Variants in PHLDB2 observed in about 807,000 individuals in gnomAD.
PHLDB2 encodes pleckstrin homology-like domain family B member 2.
Under a neutral mutation model 123.6 loss-of-function variants are expected in PHLDB2, and 71 were observed. The ratio of observed to expected loss-of-function variants is 0.57; its 90% confidence interval spans 0.47 to 0.70. PHLDB2 has a LOEUF of 0.70. Among genes scored for constraint, PHLDB2 ranks in the 30% least tolerant of loss-of-function variants. PHLDB2 has a pLI of 0.00. For synonymous variants in PHLDB2, 547 were observed against 541.6 expected (o/e 1.01, Z -0.14); for missense variants, 1,446 against 1,519.5 (o/e 0.95, Z 0.80).
upstream of PHLDB2, among the ~76,000 whole-genome samples, chr3:111,858,149 T>G (rs2064606127): frequency 6.6e-6 from 1 of 152,196 alleles, no homozygotes; most frequent in Non-Finnish European, 1.5e-5. Flanking sequence ...TTCATGTCCT[T>G]TGCAGGGACG....
intron 1 of PHLDB2, among the ~76,000 whole-genome samples, chr3:111,818,165 GGTGTGT>G (rs5851789): frequency 1.2e-4 from 17 of 147,700 alleles, no homozygotes; most frequent in East Asian, 4.0e-4. Context: ...TTAAAAAACT[GGTGTGT>G]GTGTGTGTGT....
At chr3:111,742,973 A>G (rs928449060) in intron 1 of PHLDB2, among the ~76,000 whole-genome samples, 17 of 152,150 alleles carry the variant, frequency 1.1e-4, no homozygotes, top group Admixed American at 1.1e-3. Flanking sequence ...TGAACCAATA[A>G]AGGAGCCAAC....
At chr3:111,938,809 T>A (rs984481165) in intron 6 of PHLDB2, among the ~76,000 whole-genome samples, 5 of 151,276 alleles carry the variant, frequency 3.3e-5, no homozygotes, top group Non-Finnish European at 5.9e-5. Context: ...TTTCTTTTTT[T>A]ATTTTTATCT....
intron 1 of PHLDB2, among the ~76,000 whole-genome samples, chr3:111,760,726 G>A (rs2059977977): frequency 6.6e-6 from 1 of 151,948 alleles, no homozygotes; most frequent in South Asian, 2.1e-4. Flanking sequence ...GGACTGGTGA[G>A]GCTGAGAAGC....
At chr3:111,747,922 C>T (rs2059706092) in intron 1 of PHLDB2, among the ~76,000 whole-genome samples, 1 of 152,158 alleles carries the variant, frequency 6.6e-6, no homozygotes. Flanking sequence ...GTGGCAGCCC[C>T]TGGACCCTGA....
Position 111,913,420 on chromosome 3 carries a change from C to A in PHLDB2, c.1437C>A (p.Ile479=). 1 of 1,614,150 alleles carries A rather than the reference C, an allele frequency of 6.2e-7. No individual in the cohort carries two copies. The highest frequency in any genetic ancestry group is 1.1e-5 in the South Asian group (1 of 91,078). ...TGTTVEDVQK[I]NKELEKLQLS... ...CCACCGTGGAAGATGTGCAGAAAAT[C>A]AACAAGGAGCTTGAGAAGCTGCAGC... Residue 479 remains isoleucine (I), a synonymous_variant, in exon 3 of 18, where the codon ATC becomes ATA. Transcript: ENST00000431670.
At chr3:111,929,557 C>G (rs2107562424) in intron 5 of PHLDB2, among the ~76,000 whole-genome samples, 1 of 152,322 alleles carries the variant, frequency 6.6e-6, no homozygotes, top group South Asian at 2.1e-4. Context: ...TTTCCTTTAA[C>G]AACTTCCTGG....
intron 1 of PHLDB2, among the ~76,000 whole-genome samples, chr3:111,861,211 T>C (rs1164939118): frequency 6.6e-6 from 1 of 152,212 alleles, no homozygotes; most frequent in Non-Finnish European, 1.5e-5. Context: ...GCCGTTGCCT[T>C]CAATTGTGTA....
intron 1 of PHLDB2, among the ~76,000 whole-genome samples, chr3:111,797,852 T>C (rs1489131680): frequency 6.6e-6 from 1 of 152,102 alleles, no homozygotes; most frequent in African/African-American, 2.4e-5. Context: ...AGAAATAGGG[T>C]AGGGTGCAGT....
chr3:111,959,459 A>G (rs535622124), intron 12 of PHLDB2, among the ~76,000 whole-genome samples: 1 of 152,346 alleles, frequency 6.6e-6, no homozygotes, highest in Non-Finnish European at 1.5e-5. Flanking sequence ...GATGCTTATT[A>G]TTGGCCTCAT....
intron 1 of PHLDB2, among the ~76,000 whole-genome samples, chr3:111,743,444 T>C (rs1261434431): frequency 6.6e-6 from 1 of 152,188 alleles, no homozygotes; most frequent in Non-Finnish European, 1.5e-5. Flanking sequence ...AAGCTTGTTA[T>C]AAATCTGATT....
At chr3:111,860,017 G>T (rs2064738919) in intron 1 of PHLDB2, 1 of 507,496 alleles carries the variant, frequency 2.0e-6, no homozygotes, top group Non-Finnish European at 2.5e-6. Context: ...ATGACTCTCG[G>T]GGGGCTGGGT....
At chr3:111,931,705 T>C (rs2069159509) in intron 5 of PHLDB2, among the ~76,000 whole-genome samples, 1 of 152,254 alleles carries the variant, frequency 6.6e-6, no homozygotes, top group African/African-American at 2.4e-5. Flanking sequence ...TTTCTAACTC[T>C]GTAAGTTCTG....
chr3:111,754,000 T>A (rs1304751084), intron 1 of PHLDB2, among the ~76,000 whole-genome samples: 1 of 152,202 alleles, frequency 6.6e-6, no homozygotes, highest in Non-Finnish European at 1.5e-5. Flanking sequence ...TTTTGTGCCA[T>A]TGATCTATAT....
intron 2 of PHLDB2, among the ~76,000 whole-genome samples, chr3:111,891,547 A>G (rs538974784): frequency 3.4e-4 from 52 of 152,006 alleles, no homozygotes; most frequent in African/African-American, 1.2e-3. Context: ...CTACATTATG[A>G]TGAGTTATAT....
At chr3:111,901,141 C>A (rs577366930) in intron 2 of PHLDB2, among the ~76,000 whole-genome samples, 1 of 151,966 alleles carries the variant, frequency 6.6e-6, no homozygotes, top group Non-Finnish European at 1.5e-5. Context: ...GGGCGAATCA[C>A]GAGGTCAGGA....
chr3:111,845,996 A>G, intron 2 of PHLDB2: 3 of 1,515,782 alleles, frequency 2.0e-6, no homozygotes, highest in East Asian at 2.3e-5. Flanking sequence ...TCCATCATAC[A>G]TATTGGGAAT....
At chr3:111,798,682 A>AAAAATAAAATAAAATAAAATAAAAT (rs11276346) in intron 1 of PHLDB2, among the ~76,000 whole-genome samples, 4,167 of 144,572 alleles carry the variant, frequency 0.029, 71 homozygotes, top group African/African-American at 0.034. Flanking sequence ...TGTCTCTAAT[A>AAAAATAAAATAAAATAAAATAAAAT]AAAATAAAAT....
At chr3:111,758,202 T>C (rs6438007) in intron 1 of PHLDB2, among the ~76,000 whole-genome samples, 142,435 of 152,086 alleles carry the variant, frequency 0.94, 66,746 homozygotes, top group East Asian at 1. Flanking sequence ...GCCCTGCCCC[T>C]AGAGGTGGAG....
Sources: allele counts gnomAD v4.1 joint callset (sites outside exome capture counted in the v4.1 genomes callset), GRCh38; gene constraint gnomAD v4.1.1; transcripts MANE v1.5; gene names NCBI Gene and HGNC (gene_info 2026-07-23, HGNC 2026-07-21).